Variants in ARHGEF28 observed in about 807,000 individuals in gnomAD.
ARHGEF28 encodes the protein 190 kDa guanine nucleotide exchange factor.
Under a neutral mutation model 206.6 loss-of-function variants are expected in ARHGEF28, and 152 were observed. The observed-to-expected ratio is 0.74, with a 90% CI of 0.64 to 0.84. ARHGEF28 has a LOEUF of 0.84. Among genes scored for constraint, ARHGEF28 ranks in the 40% least tolerant of loss-of-function variants. ARHGEF28 has a pLI of 0.00. For synonymous variants in ARHGEF28, 763 were observed against 776.4 expected (o/e 0.98, Z 0.29); for missense variants, 2,028 against 2,073.2 (o/e 0.98, Z 0.42).
At chr5:73,635,292 C>T (rs1168200047) in intron 1 of ARHGEF28, among the ~76,000 whole-genome samples, 8 of 151,980 alleles carry the variant, frequency 5.3e-5, no homozygotes, top group African/African-American at 4.8e-5. Context: ...GCAAGTGGGC[C>T]GAGATCGCGT....
At chr5:73,726,188 G>A (rs945592434) in intron 2 of ARHGEF28, among the ~76,000 whole-genome samples, 1 of 152,138 alleles carries the variant, frequency 6.6e-6, no homozygotes, top group Admixed American at 6.6e-5. Context: ...ATACCCCTCA[G>A]TGAAAAGCTC....
chr5:73,896,595 G>T (rs1761973123), intron 29 of ARHGEF28, among the ~76,000 whole-genome samples: 1 of 152,134 alleles, frequency 6.6e-6, no homozygotes, highest in Non-Finnish European at 1.5e-5. Context: ...ATGAGCCTTG[G>T]TCTAGACCAG....
At chr5:73,631,743 C>CAGGA (rs1743378177) in intron 1 of ARHGEF28, among the ~76,000 whole-genome samples, 1 of 152,080 alleles carries the variant, frequency 6.6e-6, no homozygotes, top group Non-Finnish European at 1.5e-5. Flanking sequence ...TTCTGTTAGC[C>CAGGA]AGGACTAGTA....
chr5:73,895,502 C>G (rs1761912180), intron 29 of ARHGEF28, among the ~76,000 whole-genome samples: 1 of 152,058 alleles, frequency 6.6e-6, no homozygotes, highest in Non-Finnish European at 1.5e-5. Flanking sequence ...GCAGCGGCTT[C>G]AAGGCAGAAA....
intron 9 of ARHGEF28, chr5:73,803,534 C>A: frequency 6.2e-6 from 1 of 161,260 alleles, no homozygotes. Context: ...CAATGTTCTT[C>A]TGCAAAGGGA....
intron 14 of ARHGEF28, among the ~76,000 whole-genome samples, chr5:73,853,089 C>G (rs1172037964): frequency 6.6e-6 from 1 of 152,238 alleles, no homozygotes; most frequent in East Asian, 1.9e-4. Context: ...TCCCTACTGT[C>G]TCTCTATGGA....
chr5:73,850,051 TC>T (rs1267846568), intron 13 of ARHGEF28, among the ~76,000 whole-genome samples: 1 of 132,544 alleles, frequency 7.5e-6, no homozygotes, highest in African/African-American at 3.1e-5. Context: ...TTTATTTTAT[TC>T]CCTCTCTTTT....
chr5:73,812,728 G>A (rs2973540), intron 9 of ARHGEF28, among the ~76,000 whole-genome samples: 94,285 of 151,916 alleles, frequency 0.62, 29,553 homozygotes, highest in East Asian at 0.79. Flanking sequence ...CTCTATTGAG[G>A]TGGACTGAAA....
chr5:73,767,789 T>C (rs1241730706), intron 4 of ARHGEF28, among the ~76,000 whole-genome samples: 1 of 152,202 alleles, frequency 6.6e-6, no homozygotes, highest in Admixed American at 6.5e-5. Flanking sequence ...AAGAACTGAA[T>C]ATTAATCCCC....
chr5:73,783,502 A>C (rs1045858818), intron 7 of ARHGEF28, among the ~76,000 whole-genome samples: 2 of 152,066 alleles, frequency 1.3e-5, no homozygotes, highest in Non-Finnish European at 2.9e-5. Context: ...TTCTACCCTG[A>C]CAGCTCTGTA....
rs181947114 is a variant in ARHGEF28, at chr5:73,745,170, T to C, written c.34-4667T>C. ...AGGTGTTGTTCAGCAAATAGCATTG[T>C]TATTAACGAAGTGTAATTATATACA... On this transcript the variant is annotated intron_variant, in intron 2 of 35. Transcript: ENST00000513042. 1.7e-3 allele frequency among the ~76,000 whole-genome samples: 261 copies of C among 152,160 alleles called. 4 individuals carry two copies. Among genetic ancestry groups the C allele is most frequent in the Admixed American group, 5.9e-4 (9 of 15,292 alleles).
intron 2 of ARHGEF28, among the ~76,000 whole-genome samples, chr5:73,709,065 C>T (rs150893466): frequency 3.2e-4 from 48 of 152,254 alleles, no homozygotes; most frequent in African/African-American, 1.1e-3. Context: ...TGACCTAAAA[C>T]AAGGCTGTAT....
chr5:73,748,298 G>A (rs952491975), intron 2 of ARHGEF28, among the ~76,000 whole-genome samples: 3 of 152,090 alleles, frequency 2.0e-5, no homozygotes, highest in Admixed American at 6.5e-5. Flanking sequence ...ACATACACAC[G>A]CATGCTCATA....
At chr5:73,791,069 G>A (rs958432093) in intron 7 of ARHGEF28, among the ~76,000 whole-genome samples, 6 of 152,124 alleles carry the variant, frequency 3.9e-5, no homozygotes, top group Non-Finnish European at 8.8e-5. Context: ...TTCCTTCTCT[G>A]TCCTGATCCA....
intron 9 of ARHGEF28, among the ~76,000 whole-genome samples, chr5:73,811,723 G>A (rs577101112): frequency 3.2e-4 from 49 of 152,220 alleles, no homozygotes; most frequent in South Asian, 1.2e-3. Context: ...GGTGGCTCAC[G>A]CCTGTAATCA....
chr5:73,741,655 G>A (rs983788598), intron 2 of ARHGEF28, among the ~76,000 whole-genome samples: 1 of 70,088 alleles, frequency 1.4e-5, no homozygotes, highest in African/African-American at 7.2e-5. Flanking sequence ...TCCCGACCAC[G>A]TGATCCACCT....
At chr5:73,856,943 A>T (rs1466469213) in intron 14 of ARHGEF28, among the ~76,000 whole-genome samples, 1 of 152,192 alleles carries the variant, frequency 6.6e-6, no homozygotes, top group African/African-American at 2.4e-5. Flanking sequence ...TGTAACTTTC[A>T]TAGTCTGCAT....
At chr5:73,688,671 T>A (rs1404991000) in intron 2 of ARHGEF28, among the ~76,000 whole-genome samples, 1 of 152,196 alleles carries the variant, frequency 6.6e-6, no homozygotes, top group Non-Finnish European at 1.5e-5. Flanking sequence ...GGAAGGCTTT[T>A]TTTTGAGATG....
At chr5:73,802,805 A>G (rs1755213760) in intron 9 of ARHGEF28, among the ~76,000 whole-genome samples, 1 of 151,274 alleles carries the variant, frequency 6.6e-6, no homozygotes, top group Non-Finnish European at 1.5e-5. Flanking sequence ...ATACCCATGT[A>G]TATAGGCATT....
Sources: gnomAD v4.1 joint callset for allele counts (sites outside exome capture counted in the v4.1 genomes callset) on GRCh38, gnomAD v4.1.1 for gene constraint, MANE v1.5 for transcripts, NCBI Gene and HGNC (gene_info 2026-07-23, HGNC 2026-07-21) for gene names.